Variants in PTK2 observed in about 807,000 individuals in gnomAD.
The protein encoded by PTK2 is focal adhesion kinase 1.
In PTK2, 45 loss-of-function variants were observed where a neutral mutation model predicts 150.1. The observed-to-expected ratio is 0.30, with a 90% confidence interval of 0.24 to 0.38. The LOEUF (loss-of-function observed/expected upper bound fraction) is 0.38. Ranked by LOEUF, PTK2 falls within the 10% of genes least tolerant of loss-of-function variation. The pLI is 1.00. For synonymous variants in PTK2, 432 were observed against 449.2 expected, an observed-to-expected ratio of 0.96 and a Z score of 0.48; for missense variants, 919 against 1,307.3, an observed-to-expected ratio of 0.70 and a Z score of 4.58.
chr8:140,879,358 T>G (rs1048543924), intron 4 of PTK2, 113 bp downstream of exon 4: 22 of 1,105,944 alleles, frequency 2.0e-5, no homozygotes, highest in Non-Finnish European at 2.4e-5. Flanking sequence ...TATACCAGAG[T>G]TGTAATGACA....
intron 8 of PTK2, 23 bp from the exon 9 acceptor site, chr8:140,819,043 C>T: frequency 2.5e-6 from 4 of 1,607,064 alleles, no homozygotes; most frequent in Non-Finnish European, 3.4e-6. Flanking sequence ...ATTACCAAAA[C>T]ATCTTGTAAA....
chr8:140,794,411 TG>T lies in PTK2; in HGVS notation c.1094-1028del, dbSNP rs748575912. On this transcript the variant is annotated intron_variant, in intron 12 of 31. Coordinates refer to ENST00000522684, the Ensembl canonical transcript of PTK2. Reference sequence around the variant, plus strand: ...TCTGGTGCCCTTCTAGGCAGCTCCTTGGTAACACCACTCGTGTAGTCACACT... The same window carrying T: ...TCTGGTGCCCTTCTAGGCAGCTCCTTGTAACACCACTCGTGTAGTCACACT... Among the ~76,000 whole-genome samples, 15 of 152,294 alleles carry T rather than the reference TG, an allele frequency of 9.8e-5. No homozygotes were observed. The East Asian group carries it at 2.9e-3, about 29-fold the overall frequency.
chr8:140,866,260 AT>A (rs1567805767), intron 4 of PTK2, among the ~76,000 whole-genome samples: 1 of 152,086 alleles, frequency 6.6e-6, no homozygotes, highest in East Asian at 1.9e-4. Flanking sequence ...TTATTTATTT[AT>A]TTTTTTGGTT....
intron 4 of PTK2, among the ~76,000 whole-genome samples, chr8:140,869,655 T>A (rs2100141371): frequency 6.6e-6 from 1 of 151,902 alleles, no homozygotes; most frequent in Non-Finnish European, 1.5e-5. Context: ...GAATAGAGAA[T>A]GAAATTGGGA....
intron 1 of PTK2, among the ~76,000 whole-genome samples, chr8:140,981,422 T>C (rs966976570): frequency 1.3e-5 from 2 of 151,272 alleles, no homozygotes; most frequent in African/African-American, 4.9e-5. Flanking sequence ...GAGGGAAGGG[T>C]ATGTGATCAG....
At chr8:141,001,404 T>TGCGCGCCGCCCCCGCGCATGCCCA (rs551767267), upstream of PTK2, 25 of 150,634 alleles carry the variant, frequency 1.7e-4, no homozygotes, top group African/African-American at 5.1e-4. Flanking sequence ...GGACTGGGCA[T>TGCGCGCCGCCCCCGCGCATGCCCA]GCGCGCCGCC....
intron 1 of PTK2, among the ~76,000 whole-genome samples, chr8:140,979,931 A>T (rs2100190778): frequency 1.3e-5 from 2 of 152,200 alleles, no homozygotes. Context: ...AGTCTCGGAT[A>T]TGTCTTTATC....
At chr8:140,927,143 CAG>C (rs1167960434) in intron 1 of PTK2, among the ~76,000 whole-genome samples, 9 of 152,244 alleles carry the variant, frequency 5.9e-5, no homozygotes, top group East Asian at 1.9e-4. Flanking sequence ...TGTTATAAAA[CAG>C]AGTTTTTTTT....
chr8:140,803,182 T>A (rs1248362600), intron 11 of PTK2, among the ~76,000 whole-genome samples: 1 of 151,696 alleles, frequency 6.6e-6, no homozygotes, highest in African/African-American at 2.4e-5. Flanking sequence ...GCCTGGCTTA[T>A]CTTTGTATTT....
At chr8:140,750,484 A>G (rs899880184) in intron 17 of PTK2, 2 of 152,216 alleles carry the variant, frequency 1.3e-5, no homozygotes, top group Admixed American at 6.5e-5. Context: ...CATTAGGAAG[A>G]AAAAGAACTA....
intron 1 of PTK2, among the ~76,000 whole-genome samples, chr8:140,987,213 TTCTG>T (rs1296945460): frequency 6.6e-6 from 1 of 152,138 alleles, no homozygotes; most frequent in African/African-American, 2.4e-5. Context: ...CAGAGTCTCA[TTCTG>T]TCTCCCAGGC....
At chr8:140,837,317 G>C (rs987194661) in intron 7 of PTK2, among the ~76,000 whole-genome samples, 1 of 152,164 alleles carries the variant, frequency 6.6e-6, no homozygotes, top group African/African-American at 2.4e-5. Context: ...GACATGAAAA[G>C]AAAGACTGAT....
intron 7 of PTK2, among the ~76,000 whole-genome samples, chr8:140,831,328 G>C (rs568125551): frequency 6.6e-6 from 1 of 152,190 alleles, no homozygotes; most frequent in East Asian, 1.9e-4. Flanking sequence ...ACGACATTAA[G>C]GAACGTCAGG....
At chr8:140,979,940 T>A (rs1311568894) in intron 1 of PTK2, among the ~76,000 whole-genome samples, 1 of 152,194 alleles carries the variant, frequency 6.6e-6, no homozygotes, top group African/African-American at 2.4e-5. Flanking sequence ...TATGTCTTTA[T>A]CAGTAGCGTG....
At chr8:140,701,766 A>G (rs2100030604) in intron 25 of PTK2, among the ~76,000 whole-genome samples, 1 of 152,130 alleles carries the variant, frequency 6.6e-6, no homozygotes, top group African/African-American at 2.4e-5. Flanking sequence ...GGGTTCTTTT[A>G]GTTAAAAAAA....
intron 4 of PTK2, among the ~76,000 whole-genome samples, chr8:140,874,880 T>C (rs1229614414): frequency 6.6e-6 from 1 of 152,200 alleles, no homozygotes; most frequent in Non-Finnish European, 1.5e-5. Flanking sequence ...ATCAATATAT[T>C]ATTTAGTCAG....
intron 11 of PTK2, among the ~76,000 whole-genome samples, chr8:140,802,641 T>A (rs894244598): frequency 5.9e-5 from 9 of 152,230 alleles, no homozygotes; most frequent in Non-Finnish European, 1.2e-4. Context: ...TCCTGCAAGC[T>A]CCACTCATGG....
chr8:140,809,428 CTA>C (rs1244462743), intron 10 of PTK2, among the ~76,000 whole-genome samples: 1 of 152,150 alleles, frequency 6.6e-6, no homozygotes, highest in Non-Finnish European at 1.5e-5. Context: ...AGAGGCAACT[CTA>C]TGGCAGCAAG....
rs1209829069 is a variant in PTK2, at chr8:140,927,971, A to ATATATATATAT, written c.-121-2223_-121-2222insATATATATATA. Among the ~76,000 whole-genome samples, 6 of 66,924 alleles carry ATATATATATAT rather than the reference A, an allele frequency of 9.0e-5. No homozygotes were observed. In the East Asian group the frequency reaches 2.4e-3, roughly 26 times the overall value. 43.9% of individuals were successfully genotyped at this position (66,924 alleles called of 152,430 possible). On this transcript the variant is annotated intron_variant, in intron 1 of 31. Transcript: ENST00000522684. ...AAAAAAAAAAAAGAAAAAAAAAAAA[A>ATATATATATAT]AAAAATATATATATATATATATGTA...
Sources: allele counts gnomAD v4.1 joint callset (sites outside exome capture counted in the v4.1 genomes callset), GRCh38; gene constraint gnomAD v4.1.1; transcripts MANE v1.5; gene names NCBI Gene and HGNC (gene_info 2026-07-23, HGNC 2026-07-21).